The following PNKD variants were observed in gnomAD, a reference collection of about 807,000 sequenced individuals.
PNKD encodes probable thioesterase PNKD.
Under a neutral mutation model 45.3 loss-of-function variants are expected in PNKD, and 36 were observed. The ratio of observed to expected loss-of-function variants is 0.80; its 90% CI spans 0.61 to 1.05. The LOEUF (loss-of-function observed/expected upper bound fraction) is 1.05, where lower values mean the gene tolerates loss of function less well. Among genes scored for constraint, PNKD ranks in the 50% least tolerant of loss-of-function variants. The pLI is 0.00. For missense variants in PNKD, 511 were observed against 506.6 expected, an observed-to-expected ratio of 1.01 and a Z score of -0.08; for synonymous variants, 197 against 210.1, an observed-to-expected ratio of 0.94 and a Z score of 0.54.
At chr2:218,334,927 T>C (rs549189382) in intron 2 of PNKD, among the ~76,000 whole-genome samples, 1 of 152,186 alleles carries the variant, frequency 6.6e-6, no homozygotes, top group African/African-American at 2.4e-5. Flanking sequence ...GAGTGTGCTC[T>C]TGTGTGTTAG....
chr2:218,323,380 G>T, intron 2 of PNKD: 1 of 1,578,504 alleles, frequency 6.3e-7, no homozygotes, highest in Non-Finnish European at 8.6e-7. Context: ...GCGCGGCGGG[G>T]CCTCCGCGGT....
At chr2:218,332,031 C>T (rs1379759922) in intron 2 of PNKD, among the ~76,000 whole-genome samples, 2 of 152,174 alleles carry the variant, frequency 1.3e-5, no homozygotes, top group Non-Finnish European at 2.9e-5. Context: ...AGGAGGCAGT[C>T]CCTGCTGTGG....
chr2:218,280,393 TG>T, intron 2 of PNKD: 7 of 400,228 alleles, frequency 1.7e-5, no homozygotes, highest in South Asian at 2.4e-5. Context: ...GGGGGTTCAC[TG>T]GGGGGTCACG....
rs1694291736 is a variant in PNKD at position 218,330,661 on chromosome 2, T to A, written c.237-9122T>A. Reference sequence around the variant, plus strand: ...TCCCAGAGGACCAATTGGGAAATTTTATTTTCTTTTTGGTGAGGTGATGAT... The same window carrying A: ...TCCCAGAGGACCAATTGGGAAATTTAATTTTCTTTTTGGTGAGGTGATGAT... On this transcript the variant is annotated intron_variant, in intron 2 of 9. Coordinates refer to ENST00000273077, the MANE Select transcript of PNKD (RefSeq NM_015488.5). 2.0e-5 allele frequency among the ~76,000 whole-genome samples: 3 copies of A among 152,242 alleles called. No individual in the cohort carries two copies. In the South Asian group the frequency reaches 6.2e-4, roughly 31 times the overall value.
chr2:218,317,636 A>G (rs771455765), intron 2 of PNKD, among the ~76,000 whole-genome samples: 1 of 152,242 alleles, frequency 6.6e-6, no homozygotes, highest in African/African-American at 2.4e-5. Context: ...AAGGTAGGGA[A>G]TAGAAGACAG....
intron 2 of PNKD, chr2:218,277,236 GAC>G (rs1574628253): frequency 8.6e-7 from 1 of 1,163,038 alleles, no homozygotes; most frequent in Non-Finnish European, 1.3e-6. Context: ...ACAGAAACAG[GAC>G]ACAGTTTTGT....
chr2:218,336,759 G>A (rs186676936), intron 2 of PNKD, among the ~76,000 whole-genome samples: 1 of 151,126 alleles, frequency 6.6e-6, no homozygotes, highest in Non-Finnish European at 1.5e-5. Flanking sequence ...GGGATTACAG[G>A]AGTGAGTCAC....
chr2:218,272,512 C>T (rs373636523), intron 2 of PNKD: 11 of 1,550,380 alleles, frequency 7.1e-6, no homozygotes, highest in East Asian at 4.5e-5. Context: ...CTCCCCCCAG[C>T]TCCTCTGGCT....
chr2:218,315,030 T>TTC (rs1693745282), intron 2 of PNKD, among the ~76,000 whole-genome samples: 2 of 1,280 alleles, frequency 1.6e-3, no homozygotes, highest in Admixed American at 0.017. Context: ...CTTTCTTTCT[T>TTC]TCTTTCTTTT....
chr2:218,343,916 G>A (rs552502509), intron 8 of PNKD, among the ~76,000 whole-genome samples: 3 of 152,244 alleles, frequency 2.0e-5, no homozygotes, highest in Non-Finnish European at 4.4e-5. Context: ...GCTTATCTGG[G>A]GAGAAGTCAG....
intron 2 of PNKD, among the ~76,000 whole-genome samples, chr2:218,317,482 T>A (rs1393369167): frequency 6.6e-6 from 1 of 152,134 alleles, no homozygotes; most frequent in Non-Finnish European, 1.5e-5. Flanking sequence ...ATGGGACTGA[T>A]GAGGAGGGGT....
chr2:218,275,226 A>G (rs1691074506), intron 2 of PNKD: 1 of 393,456 alleles, frequency 2.5e-6, no homozygotes, highest in Non-Finnish European at 4.5e-6. Flanking sequence ...TGGCGGGGAG[A>G]AGACACATCT....
chr2:218,300,411 C>T (rs1439180638), intron 2 of PNKD, among the ~76,000 whole-genome samples: 1 of 152,192 alleles, frequency 6.6e-6, no homozygotes, highest in East Asian at 1.9e-4. Flanking sequence ...AGAATTGCTG[C>T]CTATATCACC....
At chr2:218,331,624 T>C (rs1225753234) in intron 2 of PNKD, among the ~76,000 whole-genome samples, 2 of 151,980 alleles carry the variant, frequency 1.3e-5, no homozygotes, top group African/African-American at 4.8e-5. Context: ...TGCACCATCA[T>C]GCCCGGCTAA....
Position 218,276,279 on chromosome 2 carries a change from G to A in PNKD, c.236+4730G>A, listed in dbSNP as rs140344418. ...CAGCAGAGAAAGCAGAGGCCATCCT[G>A]CAATGGCTGTATAAAACCAATCTCC... On this transcript the variant is annotated intron_variant, in intron 2 of 9. Coordinates refer to ENST00000273077, the MANE Select transcript of PNKD (RefSeq NM_015488.5). 7.2e-3 allele frequency among the ~76,000 whole-genome samples: 1,099 copies of A among 152,316 alleles called. 3 individuals carry two copies. Among genetic ancestry groups the A allele is most frequent in the Middle Eastern group, 0.02 (6 of 294 alleles).
At chr2:218,282,901 TG>T (rs1487357487) in intron 2 of PNKD, among the ~76,000 whole-genome samples, 1 of 152,124 alleles carries the variant, frequency 6.6e-6, no homozygotes, top group East Asian at 1.9e-4. Flanking sequence ...ATAACAGCGG[TG>T]GCGTGTCAGA....
intron 2 of PNKD, among the ~76,000 whole-genome samples, chr2:218,292,278 G>A (rs1014309079): frequency 2.0e-5 from 3 of 152,094 alleles, no homozygotes; most frequent in African/African-American, 4.8e-5. Context: ...GCGCGCCCAG[G>A]GAGAGCGAAA....
At chr2:218,319,942 C>T (rs936142565) in intron 2 of PNKD, among the ~76,000 whole-genome samples, 1 of 152,224 alleles carries the variant, frequency 6.6e-6, no homozygotes, top group African/African-American at 2.4e-5. Flanking sequence ...ATTCAGAGAA[C>T]TGGGGAAGGA....
chr2:218,319,084 A>G (rs2106270343), intron 2 of PNKD, among the ~76,000 whole-genome samples: 1 of 149,914 alleles, frequency 6.7e-6, no homozygotes, highest in Non-Finnish European at 1.5e-5. Flanking sequence ...CCTCCCGAGT[A>G]GCTGAGACAA....
Sources: allele counts gnomAD v4.1 joint callset (sites outside exome capture counted in the v4.1 genomes callset), GRCh38; gene constraint gnomAD v4.1.1; transcripts MANE v1.5; gene names NCBI Gene and HGNC (gene_info 2026-07-23, HGNC 2026-07-21).